Variants in RALGDS observed in about 807,000 individuals in gnomAD.
The protein encoded by RALGDS is ral guanine nucleotide dissociation stimulator, also known as ral guanine nucleotide exchange factor.
In RALGDS, 44 loss-of-function variants were observed where a neutral mutation model predicts 99.8. The ratio of observed to expected loss-of-function variants is 0.44; its 90% CI spans 0.35 to 0.57. RALGDS has a LOEUF of 0.57. RALGDS is among the 20% of genes least tolerant of loss of function. The pLI is 0.01. For missense variants in RALGDS, 1,022 were observed against 1,203.1 expected (o/e 0.85, Z 2.23); for synonymous variants, 529 against 505.0 (o/e 1.05, Z -0.64).
intron 1 of RALGDS, chr9:133,130,863 CT>C: frequency 7.7e-7 from 1 of 1,300,072 alleles, no homozygotes; most frequent in East Asian, 2.5e-5. Flanking sequence ...CCATCCTGAC[CT>C]GGGGGCCAGA....
rs1173871540 is a variant in RALGDS, at chr9:133,103,806, G to A, written c.1699C>T (p.Leu567=). ...TGIIQGTVPY[L]GTFLTDLVML... ...ACCAGGTCGGTGAGGAACGTGCCCA[G>A]GTAGGGAACGGTGCCCTGGATGATG... Residue 567 remains leucine (L), a synonymous_variant, in exon 11 of 18, where the codon CTG becomes TTG. Coordinates refer to ENST00000372050, the MANE Select transcript of RALGDS (RefSeq NM_006266.4). The A allele has an allele frequency of 4.3e-6, 7 of 1,613,146 alleles. No individual in the cohort carries two copies. The highest frequency in any genetic ancestry group is 5.9e-6 in the Non-Finnish European group (7 of 1,179,914).
intron 3 of RALGDS, 67 bp from the exon 4 acceptor site, chr9:133,109,788 T>A: frequency 1.6e-6 from 1 of 634,470 alleles, no homozygotes. Flanking sequence ...AGGGCAGGGA[T>A]TTTTTTTTTT....
Position 133,139,773 on chromosome 9 carries a change from C to T in RALGDS, c.18+9190G>A, listed in dbSNP as rs552823803. ...TGGGCCATCGGCCATCTCCCTTCTG[C>T]GAAGCGGAGCAGACATTGGCTGCCA... On this transcript the variant is annotated intron_variant, in intron 1 of 17. Coordinates refer to the RALGDS transcript ENST00000393160. 7.9e-4 allele frequency among the ~76,000 whole-genome samples: 120 copies of T among 152,338 alleles called. 2 individuals carry two copies. The highest frequency in any genetic ancestry group is 2.5e-3 in the South Asian group (12 of 4,832).
At chr9:133,103,159 G>A (rs879235292) in intron 12 of RALGDS, 71 bp downstream of exon 12, 10 of 1,570,528 alleles carry the variant, frequency 6.4e-6, no homozygotes, top group Non-Finnish European at 8.8e-6. Flanking sequence ...GAGGGTAGGA[G>A]TTGAAATGTC....
Position 133,098,572 on chromosome 9 carries a change from C to T in RALGDS, c.*15G>A, listed in dbSNP as rs776277724. On this transcript the variant is annotated 3_prime_UTR_variant, in exon 18 of 18. Coordinates refer to ENST00000372050, the MANE Select transcript of RALGDS (RefSeq NM_006266.4). ...GTGCTTGGCTACCAGCCAGCCAGACCCTGGGAGGATGCCCTCAGAAGATGC... is the reference window on the plus strand; with the variant it reads ...GTGCTTGGCTACCAGCCAGCCAGACTCTGGGAGGATGCCCTCAGAAGATGC... 2 of 1,613,638 alleles carry T rather than the reference C, an allele frequency of 1.2e-6. No homozygotes were observed. Among genetic ancestry groups the T allele is most frequent in the Non-Finnish European group, 1.7e-6 (2 of 1,179,946 alleles).
intron 1 of RALGDS, among the ~76,000 whole-genome samples, chr9:133,128,220 TA>T (rs2119241452): frequency 6.6e-6 from 1 of 150,558 alleles, no homozygotes; most frequent in South Asian, 2.1e-4. Flanking sequence ...GAGGAAGACA[TA>T]GAGGGAAACT....
intron 16 of RALGDS, 58 bp from the exon 17 acceptor site, chr9:133,100,440 A>G: frequency 6.2e-7 from 1 of 1,609,422 alleles, no homozygotes; most frequent in Non-Finnish European, 8.5e-7. Flanking sequence ...GCTCCCCCAG[A>G]GTGCAGTGGC....
At chr9:133,135,937 A>T (rs1832417653), upstream of RALGDS, among the ~76,000 whole-genome samples, 1 of 152,228 alleles carries the variant, frequency 6.6e-6, no homozygotes, top group Non-Finnish European at 1.5e-5. Context: ...ATGTTGCAGC[A>T]ATGTCAACTG....
In RALGDS at chr9:133,100,212, T is replaced by G. The variant is rs1830687602; in HGVS notation, c.2569+56A>C. On this transcript the variant is annotated intron_variant, in intron 17 of 17. Coordinates refer to ENST00000372050, the MANE Select transcript of RALGDS (RefSeq NM_006266.4). Reference sequence around the variant, plus strand: ...GGGCCAAAGGCTTCCAACCTGGGGCTGGGGAGTGGTGTGGACCTGCCCCCT... The same window carrying G: ...GGGCCAAAGGCTTCCAACCTGGGGCGGGGGAGTGGTGTGGACCTGCCCCCT... 2.7e-6 allele frequency: 4 copies of G among 1,486,114 alleles called. No individual in the cohort carries two copies. The East Asian group carries it at 9.0e-5, about 34-fold the overall frequency. 92.1% of individuals were successfully genotyped at this position (1,486,114 alleles called of 1,614,324 possible).
upstream of RALGDS, among the ~76,000 whole-genome samples, chr9:133,131,434 A>G (rs1198164274): frequency 6.6e-6 from 1 of 151,858 alleles, no homozygotes; most frequent in Admixed American, 6.5e-5. Context: ...CCCAGAAGAG[A>G]ATCCCAAGTC....
chr9:133,103,275 C>T lies in RALGDS; in HGVS notation c.1759-13G>A, dbSNP rs1371859767. The T allele has an allele frequency of 6.2e-7, 1 of 1,613,986 alleles. No homozygotes were observed. The highest frequency in any genetic ancestry group is 8.5e-7 in the Non-Finnish European group (1 of 1,180,014). On this transcript the variant is annotated splice_polypyrimidine_tract_variant and intron_variant, in intron 11 of 17. Coordinates refer to ENST00000372050, the MANE Select transcript of RALGDS (RefSeq NM_006266.4). ...TGATGAGTCTGCCCTGGAAGGTGGA[C>T]ACCCAATGGCCGTCAGAAAGTGACC... is the stretch of plus-strand genomic sequence containing the variant.
chr9:133,103,937 G>T, intron 10 of RALGDS, 104 bp from the exon 11 acceptor site: 1 of 1,081,930 alleles, frequency 9.2e-7, no homozygotes, highest in Non-Finnish European at 1.4e-6. Flanking sequence ...GACCTCTGGG[G>T]GCCTCCTGGG....
intron 2 of RALGDS, 50 bp downstream of exon 2, chr9:133,111,992 G>A (rs1355893281): frequency 2.1e-6 from 3 of 1,405,988 alleles, no homozygotes; most frequent in East Asian, 2.5e-5. Context: ...AAAAAGTCCT[G>A]GGAGGGATCC....
upstream of RALGDS, among the ~76,000 whole-genome samples, chr9:133,125,458 ACG>A (rs1485754825): frequency 6.6e-6 from 1 of 152,202 alleles, no homozygotes; most frequent in East Asian, 1.9e-4. Flanking sequence ...AAATGGCCAG[ACG>A]CAGTGGCTCA....
chr9:133,103,737 G>A lies in RALGDS; in HGVS notation c.1758+10C>T, dbSNP rs1324098144. On this transcript the variant is annotated intron_variant, in intron 11 of 17. Coordinates refer to ENST00000372050, the MANE Select transcript of RALGDS (RefSeq NM_006266.4). ...CCGGGCCCTACTCCAGCCCCGCCCG[G>A]CACACTCACATACAGATAGTCCTTC... 1.2e-6 allele frequency: 2 copies of A among 1,612,802 alleles called. No homozygotes were observed. The highest frequency in any genetic ancestry group is 1.1e-5 in the South Asian group (1 of 91,056).
At chr9:133,120,945 C>A (rs1831901880) in intron 1 of RALGDS, 27 bp downstream of exon 1, 1 of 1,473,252 alleles carries the variant, frequency 6.8e-7, no homozygotes, top group South Asian at 1.3e-5. Context: ...CGACGCACCC[C>A]CCGCCCGACC....
chr9:133,100,246 G>A (rs187834381), intron 17 of RALGDS, 22 bp downstream of exon 17: 32 of 1,605,696 alleles, frequency 2.0e-5, no homozygotes, highest in Non-Finnish European at 2.6e-5. Context: ...CTCTGCCATC[G>A]CCCTCTGGTC....
rs779876054 is a variant in RALGDS, at chr9:133,100,270, C to T, written c.2567G>A (p.Arg856Gln). 1.9e-5 allele frequency: 31 copies of T among 1,613,914 alleles called. No individual in the cohort carries two copies. The highest frequency in any genetic ancestry group is 9.9e-5 in the South Asian group (9 of 91,084). The change falls in exon 17 of 18, where the codon CGG (arginine) becomes CAG (glutamine). Residue 856 changes from arginine to glutamine, a missense_variant and splice_region_variant. Around this residue, in one of 3 missense-constraint regions of RALGDS, gnomAD observed 825 missense variants for 994.5 expected, o/e 0.83. Transcript: ENST00000372050. ...CGCCCTCTGGTCTTCTGACTTACTC[C>T]GGTCATCTGAGAGAATCTGCAGCAG... ...YELLQILSDD[R>Q]KLKIPENANV...
intron 1 of RALGDS, chr9:133,148,914 CG>C (rs765752912): frequency 1.3e-6 from 2 of 1,588,852 alleles, no homozygotes; most frequent in South Asian, 1.1e-5. Context: ...CTGGGGCATA[CG>C]GTCCTCCCTC....
Sources: gnomAD v4.1 joint callset for allele counts (sites outside exome capture counted in the v4.1 genomes callset) on GRCh38, gnomAD v4.1.1 for gene constraint, gnomAD v4.1.1 regional missense constraint, MANE v1.5 for transcripts, NCBI Gene and HGNC (gene_info 2026-07-23, HGNC 2026-07-21) for gene names.